Variants in TANC2 observed in about 807,000 individuals in gnomAD.
TANC2 encodes the protein protein TANC2.
In TANC2, 26 loss-of-function variants were observed where a neutral mutation model predicts 210.5. That is an observed-to-expected ratio of 0.12 (90% confidence interval 0.09 to 0.17). The LOEUF is 0.17. Among genes scored for constraint, TANC2 ranks in the 10% least tolerant of loss-of-function variants. The pLI is 1.00. For synonymous variants in TANC2, 931 were observed against 967.1 expected, an observed-to-expected ratio of 0.96 and a Z score of 0.69; for missense variants, 2,129 against 2,608.9, an observed-to-expected ratio of 0.82 and a Z score of 4.01.
intron 14 of TANC2, among the ~76,000 whole-genome samples, chr17:63,359,339 T>C (rs1267264682): frequency 6.8e-6 from 1 of 146,470 alleles, no homozygotes; most frequent in Admixed American, 6.6e-5. Flanking sequence ...GATGAGCTAC[T>C]GCACCAGCAT....
intron 17 of TANC2, among the ~76,000 whole-genome samples, chr17:63,392,931 A>G (rs1047831362): frequency 2.6e-5 from 4 of 152,218 alleles, no homozygotes; most frequent in Non-Finnish European, 4.4e-5. Context: ...AGCCTAAGTA[A>G]TTGTAGTCTC....
intron 2 of TANC2, among the ~76,000 whole-genome samples, chr17:63,058,265 C>T (rs12451119): frequency 0.084 from 12,740 of 152,070 alleles, 702 homozygotes; most frequent in Middle Eastern, 0.13. Flanking sequence ...GTCCTTTGCC[C>T]ACTTTTTAAT....
At chr17:63,263,753 ATTAAT>A (rs1296515276) in intron 8 of TANC2, among the ~76,000 whole-genome samples, 1 of 152,168 alleles carries the variant, frequency 6.6e-6, no homozygotes, top group Non-Finnish European at 1.5e-5. Context: ...CTTTCAACAA[ATTAAT>A]TTAATAAGCA....
chr17:63,349,028 A>G (rs1287716198), intron 12 of TANC2, among the ~76,000 whole-genome samples: 1 of 152,160 alleles, frequency 6.6e-6, no homozygotes, highest in Non-Finnish European at 1.5e-5. Context: ...TTAGATAAAT[A>G]TGCCCTCCTT....
chr17:62,977,632 A>T (rs1021740997), intron 1 of TANC2, among the ~76,000 whole-genome samples: 14 of 151,066 alleles, frequency 9.3e-5, no homozygotes, highest in African/African-American at 3.4e-4. Context: ...CTAACATTCT[A>T]CCTATTTTTT....
Position 63,194,092 on chromosome 17 carries a change from G to T in TANC2, c.535G>T (p.Val179Phe), listed in dbSNP as rs1486784756. Residue 179 changes from valine to phenylalanine, a missense_variant, in exon 6 of 28, where the codon GTT (valine) becomes TTT (phenylalanine). Physicochemically the swap from Val to Phe is conservative, Grantham distance 50 (BLOSUM62 -1). Transcript: ENST00000689528. ...CCTCCTTGGAGAGAAAGTCACAGAA[G>T]TTCAGCCAGGTGACCAATACAGCAT... The T allele has an allele frequency of 3.1e-6, 5 of 1,613,428 alleles. No homozygotes were observed. The South Asian group carries it at 4.4e-5, about 14-fold the overall frequency.
At chr17:63,093,220 A>G (rs1323178753) in intron 3 of TANC2, among the ~76,000 whole-genome samples, 2 of 151,228 alleles carry the variant, frequency 1.3e-5, no homozygotes, top group African/African-American at 2.4e-5. Flanking sequence ...ATAGTTTTAT[A>G]GTTTCTTCTA....
intron 11 of TANC2, among the ~76,000 whole-genome samples, chr17:63,319,742 C>A (rs1479264430): frequency 6.6e-6 from 1 of 152,100 alleles, no homozygotes; most frequent in Non-Finnish European, 1.5e-5. Flanking sequence ...GCTATACTAC[C>A]CTGTCCATAA....
intron 2 of TANC2, among the ~76,000 whole-genome samples, chr17:63,013,104 G>T (rs764384130): frequency 6.7e-6 from 1 of 149,174 alleles, no homozygotes; most frequent in Non-Finnish European, 1.5e-5. Context: ...TTTGTTTTCC[G>T]GGTTGAAGTG....
At chr17:63,108,021 G>A (rs937595942) in intron 4 of TANC2, among the ~76,000 whole-genome samples, 1 of 151,786 alleles carries the variant, frequency 6.6e-6, no homozygotes, top group Admixed American at 6.5e-5. Context: ...AGGGAAAGTT[G>A]ATGAATTTAT....
intron 11 of TANC2, among the ~76,000 whole-genome samples, chr17:63,319,461 C>T (rs540667098): frequency 1.3e-5 from 2 of 152,306 alleles, no homozygotes; most frequent in South Asian, 4.1e-4. Context: ...TCTTGTTCCT[C>T]AGCTTCCTGA....
At chr17:63,064,969 A>G (rs1366270944) in intron 2 of TANC2, among the ~76,000 whole-genome samples, 2 of 152,100 alleles carry the variant, frequency 1.3e-5, no homozygotes, top group Non-Finnish European at 2.9e-5. Flanking sequence ...CATTCTGTAC[A>G]ATAGATTTCC....
chr17:63,228,576 T>C (rs962073529), intron 7 of TANC2, among the ~76,000 whole-genome samples: 2 of 152,226 alleles, frequency 1.3e-5, no homozygotes, highest in African/African-American at 2.4e-5. Context: ...GGAATGTTTT[T>C]CCATTTGTTT....
chr17:63,039,046 A>G (rs1480742430), intron 2 of TANC2, among the ~76,000 whole-genome samples: 1 of 152,172 alleles, frequency 6.6e-6, no homozygotes, highest in African/African-American at 2.4e-5. Context: ...GATAAGTTCC[A>G]TATTTCCTCC....
chr17:63,312,950 A>G (rs1283335490), intron 9 of TANC2, among the ~76,000 whole-genome samples: 2 of 152,166 alleles, frequency 1.3e-5, no homozygotes, highest in Admixed American at 6.5e-5. Context: ...TTAAATGCTC[A>G]GTTATTCTAG....
intron 27 of TANC2, among the ~76,000 whole-genome samples, chr17:63,419,682 T>G (rs1181621021): frequency 1.3e-5 from 2 of 152,134 alleles, no homozygotes; most frequent in Non-Finnish European, 2.9e-5. Context: ...CACCCAACTC[T>G]CATACTGCCT....
intron 16 of TANC2, 44 bp from the exon 17 acceptor site, chr17:63,389,264 G>T: frequency 1.4e-6 from 2 of 1,455,360 alleles, no homozygotes; most frequent in South Asian, 1.2e-5. Context: ...AAAAGGATGT[G>T]ACTCCTGTTT....
chr17:63,374,361 A>T (rs899619440), intron 14 of TANC2, among the ~76,000 whole-genome samples: 2 of 152,270 alleles, frequency 1.3e-5, no homozygotes, highest in Non-Finnish European at 1.5e-5. Flanking sequence ...TAAGATACAC[A>T]GGTATAAGAT....
At chr17:63,346,934 G>A (rs2046432589) in intron 12 of TANC2, among the ~76,000 whole-genome samples, 1 of 151,442 alleles carries the variant, frequency 6.6e-6, no homozygotes, top group South Asian at 2.1e-4. Context: ...TCATACTCCT[G>A]GGCCCAAGCA....
Sources: allele counts gnomAD v4.1 joint callset (sites outside exome capture counted in the v4.1 genomes callset), GRCh38; gene constraint gnomAD v4.1.1; transcripts MANE v1.5; gene names NCBI Gene and HGNC (gene_info 2026-07-23, HGNC 2026-07-21).